The following EFHC2 variants were observed in gnomAD, a reference collection of about 807,000 sequenced individuals.
EFHC2 encodes the protein EF-hand domain containing 2, also known as EF-hand domain-containing family member C2.
EFHC2 carries 18 observed loss-of-function variants against 52.7 expected under a neutral mutation model. The ratio of observed to expected loss-of-function variants is 0.34; its 90% CI spans 0.24 to 0.51. The LOEUF is 0.51. Ranked by LOEUF, EFHC2 falls within the 20% of genes least tolerant of loss-of-function variation. The pLI is 0.97. For missense variants in EFHC2, 513 were observed against 562.5 expected (o/e 0.91, Z 0.89); for synonymous variants, 203 against 204.1 (o/e 0.99, Z 0.04).
chrX:44,251,919 T>C (rs1466663524), intron 4 of EFHC2, among the ~76,000 whole-genome samples: 1 of 111,094 alleles, frequency 9.0e-6, no homozygotes, highest in East Asian at 2.8e-4. Context: ...ATTTATATGT[T>C]TGACTCCGTA....
At chrX:44,287,449 A>C (rs977512449) in intron 2 of EFHC2, among the ~76,000 whole-genome samples, 5 of 111,545 alleles carry the variant, frequency 4.5e-5, no homozygotes, top group African/African-American at 1.6e-4. Flanking sequence ...TAGGAAGGGG[A>C]GTGAGCAATG....
At chrX:44,255,180 T>TA (rs1386036656) in intron 4 of EFHC2, among the ~76,000 whole-genome samples, 1 of 112,077 alleles carries the variant, frequency 8.9e-6, no homozygotes, top group Non-Finnish European at 1.9e-5. Context: ...TACCAAATTA[T>TA]AAAGACCATT....
chrX:44,320,579 T>C (rs2038012126), intron 1 of EFHC2, among the ~76,000 whole-genome samples: 1 of 111,571 alleles, frequency 9.0e-6, no homozygotes, highest in African/African-American at 3.3e-5. Flanking sequence ...GGCTTACTTG[T>C]GTCCCTGATA....
chrX:44,262,368 G>A (rs1861538588), intron 3 of EFHC2, among the ~76,000 whole-genome samples: 1 of 108,043 alleles, frequency 9.3e-6, no homozygotes, highest in South Asian at 4.1e-4. Flanking sequence ...AAAATTAGCT[G>A]GGTATGGTGG....
intron 5 of EFHC2, among the ~76,000 whole-genome samples, chrX:44,249,665 G>A (rs1425235907): frequency 8.9e-6 from 1 of 112,024 alleles, no homozygotes; most frequent in Non-Finnish European, 1.9e-5. Flanking sequence ...TAAATAAAAT[G>A]CAAAAGTCAT....
intron 13 of EFHC2, among the ~76,000 whole-genome samples, chrX:44,174,748 G>A (rs769497108): frequency 9.1e-6 from 1 of 110,343 alleles, no homozygotes; most frequent in South Asian, 3.9e-4. Flanking sequence ...TTTGGGAGTG[G>A]GGGATGATAT....
intron 11 of EFHC2, among the ~76,000 whole-genome samples, chrX:44,224,330 T>G (rs1392027761): frequency 8.9e-6 from 1 of 112,032 alleles, no homozygotes; most frequent in Non-Finnish European, 1.9e-5. Flanking sequence ...ATAAGAATTT[T>G]AATATCAGTA....
chrX:44,227,766 T>C (rs1267109105), intron 11 of EFHC2, among the ~76,000 whole-genome samples: 1 of 111,378 alleles, frequency 9.0e-6, no homozygotes, highest in African/African-American at 3.3e-5. Context: ...TAACAGCAGG[T>C]GATCTACTCT....
At position 44,273,827 on chromosome X, in the gene EFHC2, T is replaced by C. The variant is rs552115120; in HGVS notation, c.232-991A>G. ...CTCTTTGTCTCTCACTTTTGATCAA[T>C]TTTTATAATTGAAGTTGCAAAACTT... is the stretch of plus-strand genomic sequence containing the variant. On this transcript the variant is annotated intron_variant, in intron 2 of 14. Coordinates refer to ENST00000420999, the MANE Select transcript of EFHC2 (RefSeq NM_025184.4). Among the ~76,000 whole-genome samples the C allele has an allele frequency of 3.6e-5, 4 of 111,774 alleles. No individual in the cohort carries two copies. In the Admixed American group the frequency reaches 3.8e-4, roughly 11 times the overall value.
At chrX:44,223,989 C>T (rs1441349047) in intron 11 of EFHC2, among the ~76,000 whole-genome samples, 2 of 111,770 alleles carry the variant, frequency 1.8e-5, no homozygotes, top group Admixed American at 1.9e-4. Flanking sequence ...GAGATCATTA[C>T]CATGTTCTAA....
chrX:44,312,974 A>G, intron 1 of EFHC2, among the ~76,000 whole-genome samples: 1 of 111,173 alleles, frequency 9.0e-6, no homozygotes. Context: ...AAAGCAGTAC[A>G]CATAAACCTA....
In EFHC2 at chrX:44,312,600, C is replaced by T. The variant is rs753939282; in HGVS notation, c.199G>A (p.Asp67Asn). Residue 67 changes from aspartate (D) to asparagine (N), a missense_variant, in exon 2 of 15, where the codon GAT becomes AAT. By Grantham distance (23) the Asp-to-Asn change is conservative (BLOSUM62 1). Transcript: ENST00000420999. ...TCAAAGGCTACCCATGATGGTACATCACTTCCATCTCCTTTAGGATATATG... is the reference window on the plus strand; with the variant it reads ...TCAAAGGCTACCCATGATGGTACATTACTTCCATCTCCTTTAGGATATATG... ...CSIYPKGDGS[D>N]VPSWVAFDKQ... 3.3e-6 allele frequency: 4 copies of T among 1,205,548 alleles called. No homozygotes were observed. The highest frequency in any genetic ancestry group is 4.5e-6 in the Non-Finnish European group (4 of 892,963).
At chrX:44,156,308 G>A (rs145689271) in intron 14 of EFHC2, among the ~76,000 whole-genome samples, 1,296 of 112,159 alleles carry the variant, frequency 0.012, 10 homozygotes, top group Non-Finnish European at 0.017. Flanking sequence ...CTTTTATTTC[G>A]ACTGTTATAT....
At chrX:44,242,579 AT>A (rs948885062) in intron 7 of EFHC2, among the ~76,000 whole-genome samples, 11 of 110,907 alleles carry the variant, frequency 9.9e-5, no homozygotes, top group Non-Finnish European at 1.9e-4. Flanking sequence ...ATTTCTGAAT[AT>A]TTTTTGTTCT....
chrX:44,284,948 T>G (rs977877441), intron 2 of EFHC2: 3 of 112,171 alleles, frequency 2.7e-5, no homozygotes, highest in African/African-American at 9.7e-5. Context: ...CACAGTCATA[T>G]TCTCTGAAGA....
At chrX:44,191,384 C>T (rs1165947674) in intron 11 of EFHC2, among the ~76,000 whole-genome samples, 1 of 110,696 alleles carries the variant, frequency 9.0e-6, no homozygotes, top group African/African-American at 3.3e-5. Context: ...TACAGGCGCC[C>T]GCCACCACAC....
At chrX:44,186,610 G>C (rs751871995) in intron 11 of EFHC2, among the ~76,000 whole-genome samples, 1 of 111,277 alleles carries the variant, frequency 9.0e-6, no homozygotes, top group South Asian at 3.8e-4. Flanking sequence ...ACAAGACCAT[G>C]GTGAGCTCTG....
At chrX:44,332,178 G>A (rs776125047) in intron 1 of EFHC2, among the ~76,000 whole-genome samples, 9 of 111,287 alleles carry the variant, frequency 8.1e-5, no homozygotes, top group East Asian at 2.8e-4. Context: ...AACTCTAACC[G>A]AAATGATATG....
At chrX:44,232,785 T>G in intron 9 of EFHC2, 108 bp from the exon 10 acceptor site, 1 of 655,070 alleles carries the variant, frequency 1.5e-6, no homozygotes, top group Non-Finnish European at 2.2e-6. Flanking sequence ...ATAAGTTACC[T>G]GTGAACTCAT....
Sources: allele counts gnomAD v4.1 joint callset (sites outside exome capture counted in the v4.1 genomes callset), GRCh38; gene constraint gnomAD v4.1.1; transcripts MANE v1.5; gene names NCBI Gene and HGNC (gene_info 2026-07-23, HGNC 2026-07-21).